Variants in CTNND2 observed in about 807,000 individuals in gnomAD.
CTNND2 encodes catenin delta-2.
CTNND2 carries 22 observed loss-of-function variants against 144.4 expected under a neutral mutation model. That is an observed-to-expected ratio of 0.15 (90% CI 0.11 to 0.22). CTNND2 has a LOEUF of 0.22. Among genes scored for constraint, CTNND2 ranks in the 10% least tolerant of loss-of-function variants. The probability of loss-of-function intolerance (pLI) is 1.00; values close to 1 mark genes in which losing one functional copy is unlikely to be tolerated. For missense variants in CTNND2, 1,353 were observed against 1,618.8 expected (o/e 0.84, Z 2.82); for synonymous variants, 751 against 695.6 (o/e 1.08, Z -1.25).
At chr5:11,259,408 G>A (rs1744627459) in intron 9 of CTNND2, among the ~76,000 whole-genome samples, 1 of 152,116 alleles carries the variant, frequency 6.6e-6, no homozygotes, top group Admixed American at 6.5e-5. Flanking sequence ...GCTCCCAGTT[G>A]ACAGCAGTTT....
chr5:11,856,015 T>C (rs1470708111), intron 1 of CTNND2, among the ~76,000 whole-genome samples: 1 of 152,214 alleles, frequency 6.6e-6, no homozygotes, highest in Non-Finnish European at 1.5e-5. Context: ...GAATACTATG[T>C]GCATTAAGAA....
intron 1 of CTNND2, among the ~76,000 whole-genome samples, chr5:11,775,682 C>G (rs959178566): frequency 1.3e-5 from 2 of 152,188 alleles, no homozygotes; most frequent in East Asian, 3.9e-4. Context: ...GTCAAAGGAG[C>G]GAAGCTCTGG....
At chr5:11,323,318 G>A (rs745740169) in intron 9 of CTNND2, among the ~76,000 whole-genome samples, 1 of 151,776 alleles carries the variant, frequency 6.6e-6, no homozygotes, top group Non-Finnish European at 1.5e-5. Context: ...CTGAGTAGCT[G>A]AGAATACAGG....
At chr5:11,157,269 C>T (rs7725986) in intron 12 of CTNND2, among the ~76,000 whole-genome samples, 5,569 of 152,258 alleles carry the variant, frequency 0.037, 316 homozygotes, top group African/African-American at 0.12. Flanking sequence ...GTCCTTTCAA[C>T]GCTGGGTAGC....
intron 2 of CTNND2, among the ~76,000 whole-genome samples, chr5:11,686,914 A>G (rs1784680399): frequency 6.7e-6 from 1 of 150,010 alleles, no homozygotes; most frequent in South Asian, 2.1e-4. Flanking sequence ...ATGTTTTAAA[A>G]TATAGACAAA....
chr5:11,621,246 T>C (rs898968538), intron 2 of CTNND2, among the ~76,000 whole-genome samples: 3 of 152,222 alleles, frequency 2.0e-5, no homozygotes, highest in Non-Finnish European at 2.9e-5. Flanking sequence ...TATGGATACA[T>C]TGGTGGATAA....
chr5:11,238,254 A>T (rs1276560253), intron 9 of CTNND2, among the ~76,000 whole-genome samples: 2 of 152,182 alleles, frequency 1.3e-5, no homozygotes, highest in African/African-American at 4.8e-5. Flanking sequence ...CTCCAAGACC[A>T]CAGGTAAAAA....
intron 3 of CTNND2, among the ~76,000 whole-genome samples, chr5:11,423,236 G>A (rs947281707): frequency 5.3e-5 from 8 of 152,050 alleles, no homozygotes; most frequent in South Asian, 4.2e-4. Context: ...TGTATACTGC[G>A]GCATTCTATA....
chr5:11,038,982 G>A (rs1744385273), intron 16 of CTNND2, among the ~76,000 whole-genome samples: 1 of 152,304 alleles, frequency 6.6e-6, no homozygotes, highest in East Asian at 1.9e-4. Context: ...ACCCAGCTCT[G>A]CACCTGTCAT....
In CTNND2 at chr5:11,240,880, CCACA is replaced by C. The variant is rs533331955; in HGVS notation, c.1629-4061_1629-4058del. ...ATACACTCAGCACACACACCCCAAC[CCACA>C]CACACCCAAAACACATACACTCAGC... On this transcript the variant is annotated intron_variant, in intron 9 of 21. Coordinates refer to ENST00000304623, the MANE Select transcript of CTNND2 (RefSeq NM_001332.4). Among the ~76,000 whole-genome samples, 212 of 141,092 alleles carry C rather than the reference CCACA, an allele frequency of 1.5e-3. 1 individual carries two copies. Among genetic ancestry groups the C allele is most frequent in the South Asian group, 6.6e-3 (27 of 4,100 alleles). The allele number at this position is 141,092 out of a possible 152,430, so 92.6% of individuals were successfully genotyped here. A position where few individuals can be genotyped will look rare whatever the true frequency, so the allele number is the denominator to read the frequency against.
chr5:11,732,418 T>A, intron 1 of CTNND2, 146 bp from the exon 2 acceptor site: 1 of 657,066 alleles, frequency 1.5e-6, no homozygotes, highest in Non-Finnish European at 2.4e-6. Flanking sequence ...AGAACGGGAG[T>A]AATACAGTAA....
intron 16 of CTNND2, among the ~76,000 whole-genome samples, chr5:11,051,718 A>G (rs954131769): frequency 4.6e-5 from 7 of 152,198 alleles, no homozygotes; most frequent in African/African-American, 1.4e-4. Context: ...ATGAAATTAG[A>G]GCATGAATAT....
At chr5:11,295,679 C>T (rs1748870556) in intron 9 of CTNND2, among the ~76,000 whole-genome samples, 1 of 152,112 alleles carries the variant, frequency 6.6e-6, no homozygotes, top group African/African-American at 2.4e-5. Context: ...AATACTGCTG[C>T]ATATCTACAA....
intron 16 of CTNND2, among the ~76,000 whole-genome samples, chr5:11,054,631 C>T (rs552205032): frequency 2.0e-5 from 3 of 152,178 alleles, no homozygotes; most frequent in African/African-American, 7.2e-5. Flanking sequence ...CCTTGAAGAC[C>T]GCACTTGCCC....
intron 1 of CTNND2, among the ~76,000 whole-genome samples, chr5:11,893,989 C>T (rs1310875745): frequency 2.0e-5 from 3 of 152,108 alleles, no homozygotes; most frequent in African/African-American, 7.2e-5. Flanking sequence ...TCTTTACTTC[C>T]TTCAAAAGTT....
At chr5:11,035,188 A>G (rs1743937420) in intron 16 of CTNND2, among the ~76,000 whole-genome samples, 1 of 151,956 alleles carries the variant, frequency 6.6e-6, no homozygotes, top group South Asian at 2.1e-4. Flanking sequence ...AGATACATTT[A>G]TTATTTCACA....
intron 2 of CTNND2, among the ~76,000 whole-genome samples, chr5:11,612,619 G>A (rs1022403125): frequency 6.6e-6 from 1 of 152,146 alleles, no homozygotes; most frequent in Non-Finnish European, 1.5e-5. Context: ...TCAAAAATAG[G>A]TTGGGTACAG....
At chr5:11,645,557 C>A (rs916650576) in intron 2 of CTNND2, among the ~76,000 whole-genome samples, 4 of 151,956 alleles carry the variant, frequency 2.6e-5, no homozygotes, top group African/African-American at 4.8e-5. Flanking sequence ...TTAAAAATTT[C>A]TTTTTATCCA....
chr5:11,209,119 T>C (rs1738354661), intron 10 of CTNND2, among the ~76,000 whole-genome samples: 1 of 152,200 alleles, frequency 6.6e-6, no homozygotes, highest in Non-Finnish European at 1.5e-5. Context: ...TTGAAAAGGC[T>C]ATAAATTCCC....
Sources: gnomAD v4.1 joint callset for allele counts (sites outside exome capture counted in the v4.1 genomes callset) on GRCh38, gnomAD v4.1.1 for gene constraint, MANE v1.5 for transcripts, NCBI Gene and HGNC (gene_info 2026-07-23, HGNC 2026-07-21) for gene names.